Variants in CCDC138 observed in about 807,000 individuals in gnomAD.
CCDC138 encodes coiled-coil domain containing 138, also known as coiled-coil domain-containing protein 138.
Under a neutral mutation model 82.3 loss-of-function variants are expected in CCDC138, and 66 were observed. The observed-to-expected ratio is 0.80, with a 90% CI of 0.66 to 0.98. CCDC138 has a LOEUF of 0.98. CCDC138 is among the 50% of genes least tolerant of loss of function. The probability of loss-of-function intolerance (pLI) is 0.00; values close to 1 mark genes in which losing one functional copy is unlikely to be tolerated. For synonymous variants in CCDC138, 297 were observed against 265.4 expected, an observed-to-expected ratio of 1.12 and a Z score of -1.16; for missense variants, 816 against 758.9, an observed-to-expected ratio of 1.08 and a Z score of -0.88.
At chr2:108,875,887 A>T (rs1429615651) in intron 14 of CCDC138, among the ~76,000 whole-genome samples, 1 of 152,168 alleles carries the variant, frequency 6.6e-6, no homozygotes, top group Admixed American at 6.5e-5. Context: ...TTTTTTCCCC[A>T]GTGGTTTTCT....
intron 10 of CCDC138, among the ~76,000 whole-genome samples, chr2:108,837,409 T>C (rs1360591772): frequency 6.6e-6 from 1 of 152,226 alleles, no homozygotes; most frequent in Non-Finnish European, 1.5e-5. Flanking sequence ...TATAATCCCT[T>C]TTAATATACC....
downstream of CCDC138, among the ~76,000 whole-genome samples, chr2:108,880,307 T>C (rs975788368): frequency 1.3e-5 from 2 of 152,084 alleles, no homozygotes; most frequent in Admixed American, 1.3e-4. Context: ...TGTTCATAGA[T>C]AGGAAGACTC....
chr2:108,884,597 G>C (rs1696377614), intron 2 of CCDC138: 1 of 152,184 alleles, frequency 6.6e-6, no homozygotes, highest in African/African-American at 2.4e-5. Flanking sequence ...GTAGGAACCT[G>C]TGACAAAGCT....
chr2:108,796,610 T>G (rs1680948841), intron 5 of CCDC138, among the ~76,000 whole-genome samples: 1 of 152,216 alleles, frequency 6.6e-6, no homozygotes, highest in Non-Finnish European at 1.5e-5. Context: ...GAAAATGTGG[T>G]ATCTATACAC....
At chr2:108,806,471 C>T (rs1410923825) in intron 7 of CCDC138, among the ~76,000 whole-genome samples, 1 of 152,056 alleles carries the variant, frequency 6.6e-6, no homozygotes, top group Non-Finnish European at 1.5e-5. Flanking sequence ...TGGCAGAATG[C>T]TTTTTTATGG....
At chr2:108,798,816 T>TACCCAC (rs1681376287) in intron 6 of CCDC138, among the ~76,000 whole-genome samples, 1 of 131,556 alleles carries the variant, frequency 7.6e-6, no homozygotes, top group African/African-American at 2.8e-5. Flanking sequence ...TCTCCACACC[T>TACCCAC]ACACACACAC....
intron 7 of CCDC138, among the ~76,000 whole-genome samples, chr2:108,805,495 G>A (rs1682705310): frequency 6.6e-6 from 1 of 152,036 alleles, no homozygotes; most frequent in South Asian, 2.1e-4. Flanking sequence ...GGAGGCTGAG[G>A]TGGGCGGATC....
intron 10 of CCDC138, among the ~76,000 whole-genome samples, chr2:108,827,449 A>AT (rs1686801750): frequency 6.6e-6 from 1 of 152,222 alleles, no homozygotes; most frequent in Non-Finnish European, 1.5e-5. Context: ...TAATCAAGGG[A>AT]TTTTGCATGT....
intron 13 of CCDC138, among the ~76,000 whole-genome samples, chr2:108,866,752 G>C (rs865779888): frequency 6.6e-6 from 1 of 151,958 alleles, no homozygotes; most frequent in African/African-American, 2.4e-5. Context: ...ACGCGGTGAC[G>C]GGTGCCTATA....
intron 2 of CCDC138, chr2:108,884,395 T>C (rs1696373504): frequency 1.3e-5 from 2 of 152,192 alleles, no homozygotes; most frequent in African/African-American, 4.8e-5. Context: ...GAATGGGCAT[T>C]CACTGCATAG....
intron 2 of CCDC138, 178 bp from the exon 3 acceptor site, chr2:108,788,674 T>C (rs967486768): frequency 1.1e-5 from 4 of 368,846 alleles, no homozygotes; most frequent in Admixed American, 6.6e-5. Flanking sequence ...GAGCCGAGAT[T>C]GCGCCACTGC....
intron 7 of CCDC138, 142 bp downstream of exon 7, chr2:108,805,150 C>T: frequency 4.9e-6 from 2 of 406,754 alleles, no homozygotes; most frequent in Non-Finnish European, 8.6e-6. Flanking sequence ...TAAAATACTT[C>T]CAAATGTAAA....
chr2:108,837,334 C>A (rs1017041444), intron 10 of CCDC138, among the ~76,000 whole-genome samples: 1 of 152,104 alleles, frequency 6.6e-6, no homozygotes. Flanking sequence ...TGGTATATTA[C>A]ACCAGTTTTT....
At chr2:108,825,285 T>A (rs1258338343) in intron 10 of CCDC138, among the ~76,000 whole-genome samples, 1 of 152,132 alleles carries the variant, frequency 6.6e-6, no homozygotes, top group Non-Finnish European at 1.5e-5. Context: ...TTTGTTTGTT[T>A]GTTTGTTTGG....
At position 108,836,277 on chromosome 2, in the gene CCDC138, G is replaced by A. The variant is rs191230555; in HGVS notation, c.1207-2908G>A. ...AATAGTATTTGCCTTTTTGTGACTG[G>A]CTTATTTCACTTAGCATAATATCCA... On this transcript the variant is annotated intron_variant, in intron 10 of 14. Transcript: ENST00000295124. Among the ~76,000 whole-genome samples, 456 of 152,182 alleles carry A rather than the reference G, an allele frequency of 3.0e-3. 4 individuals carry two copies. Among genetic ancestry groups the A allele is most frequent in the African/African-American group, 0.011 (436 of 41,524 alleles).
intron 13 of CCDC138, among the ~76,000 whole-genome samples, chr2:108,868,699 A>T (rs1413121759): frequency 6.6e-6 from 1 of 152,110 alleles, no homozygotes; most frequent in Non-Finnish European, 1.5e-5. Context: ...TATAATTGGC[A>T]CTCATTCCCA....
At position 108,831,419 on chromosome 2, in the gene CCDC138, T is replaced by G. The variant is rs563994779; in HGVS notation, c.1207-7766T>G. ...GAAACATTCAAAAGATAAGAAAAAG[T>G]ACTTTTTTATTATGTTTGGATTAAG... On this transcript the variant is annotated intron_variant, in intron 10 of 14. Coordinates refer to ENST00000295124, the MANE Select transcript of CCDC138 (RefSeq NM_144978.3). Among the ~76,000 whole-genome samples the G allele has an allele frequency of 4.6e-5, 7 of 152,206 alleles. 1 individual carries two copies. The highest frequency in any genetic ancestry group is 4.6e-4 in the Admixed American group (7 of 15,280).
At position 108,813,365 on chromosome 2, in the gene CCDC138, A is replaced by G. The variant is rs183248251; in HGVS notation, c.1041+438A>G. Reference sequence around the variant, plus strand: ...AAACATTCTTTTTGGAATGTTTGCTATGGAAGGGATTCACCATAATAATTT... The same window carrying G: ...AAACATTCTTTTTGGAATGTTTGCTGTGGAAGGGATTCACCATAATAATTT... On this transcript the variant is annotated intron_variant, in intron 9 of 14. Transcript: ENST00000295124. Among the ~76,000 whole-genome samples, 287 of 150,408 alleles carry G rather than the reference A, an allele frequency of 1.9e-3. 2 individuals carry two copies. Among genetic ancestry groups the G allele is most frequent in the African/African-American group, 6.7e-3 (275 of 41,050 alleles).
chr2:108,867,478 C>T (rs984152392), intron 13 of CCDC138, among the ~76,000 whole-genome samples: 5 of 152,114 alleles, frequency 3.3e-5, no homozygotes, highest in Admixed American at 6.5e-5. Flanking sequence ...TTGTTAGTTA[C>T]GAATATGGAT....
Sources: allele counts gnomAD v4.1 joint callset (sites outside exome capture counted in the v4.1 genomes callset), GRCh38; gene constraint gnomAD v4.1.1; transcripts MANE v1.5; gene names NCBI Gene and HGNC (gene_info 2026-07-23, HGNC 2026-07-21).